The following KLC1 variants were observed in gnomAD, a reference collection of about 807,000 sequenced individuals.
The protein encoded by KLC1 is kinesin light chain 1, also known as kinesin 2 60/70kDa.
KLC1 carries 30 observed loss-of-function variants against 84.2 expected under a neutral mutation model. The ratio of observed to expected loss-of-function variants is 0.36; its 90% CI spans 0.27 to 0.48. The LOEUF is 0.48. KLC1 is among the 20% of genes least tolerant of loss of function. The pLI is 0.99. For missense variants in KLC1, 499 were observed against 805.4 expected (o/e 0.62, Z 4.60); for synonymous variants, 289 against 293.3 (o/e 0.99, Z 0.15).
At chr14:103,701,030 C>T (rs896663412) in intron 16 of KLC1, among the ~76,000 whole-genome samples, 171 bp from the exon 17 acceptor site, 7 of 152,244 alleles carry the variant, frequency 4.6e-5, no homozygotes, top group South Asian at 2.1e-4. Context: ...AGACCAAAGA[C>T]GCACCAGTCC....
intron 13 of KLC1, chr14:103,682,541 T>C (rs1017607351): frequency 6.0e-5 from 9 of 151,076 alleles, no homozygotes; most frequent in African/African-American, 2.2e-4. Context: ...AAAAATTAGC[T>C]GGGCATGGTA....
At chr14:103,685,782 C>T in intron 13 of KLC1, 1 of 1,247,520 alleles carries the variant, frequency 8.0e-7, no homozygotes, top group Non-Finnish European at 1.0e-6. Context: ...ACTGGCCATT[C>T]CTTTCGGTGC....
At chr14:103,639,224 A>G (rs958479574) in intron 1 of KLC1, among the ~76,000 whole-genome samples, 144 of 152,226 alleles carry the variant, frequency 9.5e-4, no homozygotes, top group African/African-American at 3.4e-3. Context: ...GTACAGTGGC[A>G]TGATCTTGGC....
rs942223582 is a variant in KLC1, at chr14:103,693,075, A to G, written c.1848+650A>G. 1.3e-5 allele frequency among the ~76,000 whole-genome samples: 2 copies of G among 152,126 alleles called. No individual in the cohort carries two copies. The highest frequency in any genetic ancestry group is 4.1e-4 in the South Asian group (2 of 4,826). On this transcript the variant is annotated intron_variant, in intron 15 of 16. Coordinates refer to ENST00000334553, the MANE Select transcript of KLC1 (RefSeq NM_001394837.1). This position sits in a 1 kb window ranked among gnomAD's most constrained non-coding sequence, Gnocchi z 5.1. Reference sequence around the variant, plus strand: ...CCTGTTTCTCAGGTGCCTGGGGCCCACCCGGCAGCTCGAGCTGTTGGGACT... The same window carrying G: ...CCTGTTTCTCAGGTGCCTGGGGCCCGCCCGGCAGCTCGAGCTGTTGGGACT...
intron 2 of KLC1, among the ~76,000 whole-genome samples, chr14:103,656,664 C>T (rs764090122): frequency 2.0e-5 from 3 of 152,028 alleles, no homozygotes; most frequent in African/African-American, 7.2e-5. Flanking sequence ...ATATTGTGAA[C>T]GTATTATTTC....
At position 103,657,635 on chromosome 14, in the gene KLC1, TC is replaced by T; in HGVS notation, c.352del (p.Gln118SerfsTer34). On this transcript the variant is annotated frameshift_variant, in exon 3 of 17. Coordinates refer to ENST00000334553, the MANE Select transcript of KLC1 (RefSeq NM_001394837.1). LOFTEE classifies it high-confidence loss of function. Reference protein sequence around the residue: ...AQVRRLCQENQWLRDELANTQ... With the variant: ...AQVRRLCQENXWLRDELANTQ... ...AGGTTCGTCGTCTGTGCCAGGAGAATCAGTGGCTACGGGATGAACTGGCCAA... is the reference window on the plus strand; with the variant it reads ...AGGTTCGTCGTCTGTGCCAGGAGAATAGTGGCTACGGGATGAACTGGCCAA... The T allele has an allele frequency of 6.2e-7, 1 of 1,614,050 alleles. No homozygotes were observed. The highest frequency in any genetic ancestry group is 8.5e-7 in the Non-Finnish European group (1 of 1,180,002).
chr14:103,687,429 T>C (rs1595559511), intron 14 of KLC1: 1 of 229,586 alleles, frequency 4.4e-6, no homozygotes, highest in East Asian at 8.5e-5. Context: ...AAAGGGCGAA[T>C]ACCTTTAAAA....
chr14:103,699,017 C>T, intron 15 of KLC1: 1 of 1,584,048 alleles, frequency 6.3e-7, no homozygotes, highest in Non-Finnish European at 8.6e-7. Context: ...CGTCCCAGAA[C>T]CTGAGAAACA....
intron 2 of KLC1, 129 bp from the exon 3 acceptor site, chr14:103,657,417 C>T (rs1177259987): frequency 3.1e-6 from 2 of 653,862 alleles, no homozygotes; most frequent in Non-Finnish European, 5.4e-6. Flanking sequence ...GCAGATTGTA[C>T]TTATATGTAC....
chr14:103,698,734 T>G, intron 15 of KLC1: 1 of 1,470,764 alleles, frequency 6.8e-7, no homozygotes, highest in Admixed American at 2.0e-5. Context: ...CAGACGCGTT[T>G]TAAAGGCCCG....
intron 3 of KLC1, 74 bp from the exon 4 acceptor site, chr14:103,662,042 A>T: frequency 2.1e-6 from 2 of 933,934 alleles, no homozygotes; most frequent in Non-Finnish European, 1.7e-6. Context: ...AAATGTATTT[A>T]ATATTAAAAA....
At chr14:103,691,269 G>C (rs556922591) in intron 14 of KLC1, among the ~76,000 whole-genome samples, 255 of 147,048 alleles carry the variant, frequency 1.7e-3, no homozygotes, top group African/African-American at 5.7e-3. Context: ...AGTGAATCTT[G>C]TGCCTCAGCC....
At chr14:103,644,852 T>C (rs2077779329) in intron 1 of KLC1, among the ~76,000 whole-genome samples, 1 of 152,232 alleles carries the variant, frequency 6.6e-6, no homozygotes, top group Non-Finnish European at 1.5e-5. Context: ...TTGAATAAAG[T>C]AGAGGCTCAG....
chr14:103,684,721 CGCGT>C, intron 13 of KLC1: 1 of 434,926 alleles, frequency 2.3e-6, no homozygotes, highest in Non-Finnish European at 4.3e-6. Context: ...CGTGTGTGCA[CGCGT>C]GTGTGTGTGT....
chr14:103,636,785 C>T (rs888265195), intron 1 of KLC1, among the ~76,000 whole-genome samples: 2 of 151,852 alleles, frequency 1.3e-5, no homozygotes, highest in Non-Finnish European at 2.9e-5. Context: ...TGCAGTGGCG[C>T]GATCTCGGCT....
chr14:103,630,464 T>C (rs1395545607), intron 1 of KLC1, among the ~76,000 whole-genome samples: 1 of 152,224 alleles, frequency 6.6e-6, no homozygotes, highest in Non-Finnish European at 1.5e-5. Flanking sequence ...ATTTGAGATA[T>C]ACTATTTCAG....
chr14:103,682,220 A>G (rs2081401657), intron 13 of KLC1: 1 of 152,070 alleles, frequency 6.6e-6, no homozygotes, highest in African/African-American at 2.4e-5. Flanking sequence ...AATATAAAAA[A>G]TTAGCCGTGC....
At chr14:103,633,219 G>A (rs866514359) in intron 1 of KLC1, among the ~76,000 whole-genome samples, 6 of 151,962 alleles carry the variant, frequency 3.9e-5, no homozygotes, top group East Asian at 1.9e-4. Flanking sequence ...CACCACATCC[G>A]GCTAATTTTT....
chr14:103,651,374 T>C (rs2078428512), intron 1 of KLC1, among the ~76,000 whole-genome samples: 1 of 148,916 alleles, frequency 6.7e-6, no homozygotes, highest in African/African-American at 2.5e-5. Context: ...TTTGCCTGTA[T>C]TTCCTTCTAG....
Sources: gnomAD v4.1 joint callset for allele counts (sites outside exome capture counted in the v4.1 genomes callset) on GRCh38, gnomAD v4.1.1 for gene constraint, Gnocchi (gnomAD v3.1) non-coding constraint, MANE v1.5 for transcripts, NCBI Gene and HGNC (gene_info 2026-07-23, HGNC 2026-07-21) for gene names.